Variants in MMP24 observed in about 807,000 individuals in gnomAD.
The protein encoded by MMP24 is matrix metallopeptidase 24, also known as matrix metalloproteinase-24.
Under a neutral mutation model 62.8 loss-of-function variants are expected in MMP24, and 25 were observed. The observed-to-expected ratio is 0.40, with a 90% confidence interval of 0.29 to 0.56. The LOEUF is 0.56. MMP24 is among the 20% of genes least tolerant of loss of function. MMP24 has a pLI of 0.50. For missense variants in MMP24, 634 were observed against 853.6 expected (o/e 0.74, Z 3.21); for synonymous variants, 319 against 350.5 (o/e 0.91, Z 1.00).
At chr20:35,263,973 G>A (rs1427128016) in intron 5 of MMP24, 21 bp downstream of exon 5, 3 of 1,579,782 alleles carry the variant, frequency 1.9e-6, no homozygotes, top group African/African-American at 1.4e-5. Flanking sequence ...GGGAGAGGGG[G>A]GACTGCTCCT....
In MMP24 at chr20:35,269,627, A is replaced by T; in HGVS notation, c.1195-133A>T. 1 of 1,131,246 alleles carries T rather than the reference A, an allele frequency of 8.8e-7. No homozygotes were observed. The highest frequency in any genetic ancestry group is 1.2e-6 in the Non-Finnish European group (1 of 817,388). 70.1% of individuals were successfully genotyped at this position (1,131,246 alleles called of 1,614,324 possible). A position where few individuals can be genotyped will look rare whatever the true frequency, so the allele number is the denominator to read the frequency against. ...CATCCTGTCTTCCTCCCAGGGCTTTAAAAGTCAGAAGCAGCTAATGGACAG... is the reference window on the plus strand; with the variant it reads ...CATCCTGTCTTCCTCCCAGGGCTTTTAAAGTCAGAAGCAGCTAATGGACAG... On this transcript the variant is annotated intron_variant, in intron 6 of 8. Transcript: ENST00000246186. This position sits in a 1 kb window ranked among gnomAD's most constrained non-coding sequence, Gnocchi z 4.6.
Position 35,267,234 on chromosome 20 carries a change from A to T in MMP24, c.1009A>T (p.Arg337Trp). The change falls in exon 6 of 9, where the codon AGG becomes TGG. Residue 337 changes from arginine (R) to tryptophan (W), a missense_variant. Arg to Trp is a moderately radical substitution (Grantham distance 101). This residue lies in a region of MMP24 where 399 missense variants were observed against 530.8 expected (regional missense o/e 0.75). Transcript: ENST00000246186. ...CCCAGCCGAGCCTCTGGAGCCCACA[A>T]GGCCACTCCCTACACTCCCCGTCCG... is the stretch of plus-strand genomic sequence containing the variant. ...GPPAEPLEPT[R>W]PLPTLPVRRI... is the part of the protein sequence containing the mutation. 4 of 1,603,346 alleles carry T rather than the reference A, an allele frequency of 2.5e-6. No individual in the cohort carries two copies. Among genetic ancestry groups the T allele is most frequent in the Non-Finnish European group, 3.4e-6 (4 of 1,175,514 alleles).
At chr20:35,248,456 C>T (rs183454184) in intron 2 of MMP24, among the ~76,000 whole-genome samples, 1 of 152,146 alleles carries the variant, frequency 6.6e-6, no homozygotes, top group East Asian at 1.9e-4. Context: ...CAGGCATGTA[C>T]CACCATGCTG....
intron 4 of MMP24, 69 bp from the exon 5 acceptor site, chr20:35,263,722 T>A: frequency 4.5e-6 from 6 of 1,333,728 alleles, no homozygotes; most frequent in Non-Finnish European, 5.0e-6. Context: ...TTTGCTGAGG[T>A]AATGGGTTGG....
chr20:35,228,218 G>A (rs1249011225), intron 1 of MMP24, among the ~76,000 whole-genome samples: 1 of 152,198 alleles, frequency 6.6e-6, no homozygotes, highest in Non-Finnish European at 1.5e-5. Context: ...GTGCAAATGT[G>A]TGTATTTCTA....
At position 35,276,531 on chromosome 20, in the gene MMP24, C is replaced by T; in HGVS notation, c.*1922C>T. The T allele has an allele frequency of 2.6e-6, 1 of 381,328 alleles. No homozygotes were observed. Among genetic ancestry groups the T allele is most frequent in the Middle Eastern group, 6.6e-4 (1 of 1,518 alleles). The allele number at this position is 381,328 out of a possible 1,614,324, so 23.6% of individuals were successfully genotyped here. A position where few individuals can be genotyped will look rare whatever the true frequency, so the allele number is the denominator to read the frequency against. On this transcript the variant is annotated 3_prime_UTR_variant, in exon 9 of 9. Coordinates refer to ENST00000246186, the MANE Select transcript of MMP24 (RefSeq NM_006690.4). ...GTCTTGTGTCCCCATCTGTGGACCC[C>T]TCTAGGGTCTGAGATGAGATGAGAA...
intron 1 of MMP24, among the ~76,000 whole-genome samples, chr20:35,237,073 A>G (rs1302037792): frequency 1.3e-5 from 2 of 152,034 alleles, no homozygotes; most frequent in African/African-American, 4.8e-5. Context: ...TCCAAGGAGT[A>G]TGGGAGCAGG....
intron 1 of MMP24, among the ~76,000 whole-genome samples, chr20:35,241,361 T>A (rs1401345191): frequency 6.6e-6 from 1 of 152,118 alleles, no homozygotes; most frequent in East Asian, 1.9e-4. Context: ...TCTTGTCCTG[T>A]CCCCTGGCTT....
At chr20:35,254,375 T>C in intron 3 of MMP24, 75 bp from the exon 4 acceptor site, 1 of 1,345,144 alleles carries the variant, frequency 7.4e-7, no homozygotes, top group East Asian at 2.3e-5. Flanking sequence ...AGCCACATTG[T>C]CTCAGGTATC....
In MMP24 at chr20:35,272,927, C is replaced by A. The variant is rs1040623849; in HGVS notation, c.1600+1092C>A. Among the ~76,000 whole-genome samples, 3 of 152,234 alleles carry A rather than the reference C, an allele frequency of 2.0e-5. No homozygotes were observed. The South Asian group carries it at 6.2e-4, about 32-fold the overall frequency. ...TACTTAGAAATAATGCCTAGCACAC[C>A]ATCCATGCTGTATATTTTAGCTGCT... is the stretch of plus-strand genomic sequence containing the variant. On this transcript the variant is annotated intron_variant, in intron 8 of 8. Coordinates refer to ENST00000246186, the MANE Select transcript of MMP24 (RefSeq NM_006690.4).
chr20:35,241,625 A>T (rs2060488806), intron 1 of MMP24, among the ~76,000 whole-genome samples: 1 of 152,150 alleles, frequency 6.6e-6, no homozygotes, highest in Non-Finnish European at 1.5e-5. Context: ...TGATGTTCGT[A>T]ATGGATTTGG....
intron 6 of MMP24, 24 bp downstream of exon 6, chr20:35,267,443 C>A (rs1357516522): frequency 1.3e-6 from 2 of 1,541,860 alleles, no homozygotes; most frequent in South Asian, 2.4e-5. Context: ...ATTGGCACCA[C>A]CCAGCTGGCC....
chr20:35,235,560 T>G (rs1003072297), intron 1 of MMP24, among the ~76,000 whole-genome samples: 1 of 152,114 alleles, frequency 6.6e-6, no homozygotes, highest in Non-Finnish European at 1.5e-5. Flanking sequence ...TAGCTGAGCG[T>G]GGTGGTGGGC....
At position 35,274,127 on chromosome 20, in the gene MMP24, G is replaced by A. The variant is rs2060689162; in HGVS notation, c.1601-145G>A. The A allele has an allele frequency of 1.3e-6, 1 of 760,780 alleles. No individual in the cohort carries two copies. The highest frequency in any genetic ancestry group is 2.1e-6 in the Non-Finnish European group (1 of 478,010). The allele number at this position is 760,780 out of a possible 1,614,324, so 47.1% of individuals were successfully genotyped here. A position where few individuals can be genotyped will look rare whatever the true frequency, so the allele number is the denominator to read the frequency against. ...CCCCCTCTGCAGCTTCTTACTCCAT[G>A]ACTCAGCCAAGCACTGCACCCCAAA... On this transcript the variant is annotated intron_variant, in intron 8 of 8. Coordinates refer to ENST00000246186, the MANE Select transcript of MMP24 (RefSeq NM_006690.4). The surrounding 1 kb of genome is among the most constrained non-coding windows in gnomAD (Gnocchi z 5.1).
chr20:35,248,807 C>A (rs937732889), intron 2 of MMP24, among the ~76,000 whole-genome samples: 1 of 152,154 alleles, frequency 6.6e-6, no homozygotes, highest in African/African-American at 2.4e-5. Flanking sequence ...GAGAGCCCAG[C>A]CGCCTTTCAA....
intron 4 of MMP24, 78 bp downstream of exon 4, chr20:35,254,832 GT>G (rs2060566848): frequency 1.4e-6 from 2 of 1,460,462 alleles, no homozygotes; most frequent in Non-Finnish European, 1.8e-6. Context: ...TCCTAGATGA[GT>G]TTCCTGCTTT....
intron 1 of MMP24, among the ~76,000 whole-genome samples, chr20:35,239,008 G>A (rs1450011659): frequency 6.6e-6 from 1 of 151,826 alleles, no homozygotes; most frequent in Non-Finnish European, 1.5e-5. Context: ...AGAGCAGCTA[G>A]GACTACAGGG....
intron 1 of MMP24, among the ~76,000 whole-genome samples, chr20:35,235,022 A>G (rs1327635756): frequency 6.6e-6 from 1 of 152,246 alleles, no homozygotes; most frequent in Non-Finnish European, 1.5e-5. Context: ...GATCGGCTTC[A>G]CAGTCAATCC....
intron 1 of MMP24, among the ~76,000 whole-genome samples, chr20:35,229,405 A>C (rs2060428387): frequency 6.6e-6 from 1 of 152,140 alleles, no homozygotes; most frequent in Admixed American, 6.5e-5. Context: ...CACGGAAGTG[A>C]CCATTTATAT....
Sources: allele counts gnomAD v4.1 joint callset (sites outside exome capture counted in the v4.1 genomes callset), GRCh38; gene constraint gnomAD v4.1.1; regional missense constraint gnomAD v4.1.1; non-coding constraint Gnocchi (gnomAD v3.1); transcripts MANE v1.5; gene names NCBI Gene and HGNC (gene_info 2026-07-23, HGNC 2026-07-21).